VPS37C: variants seen among roughly 807,000 people sequenced by gnomAD.
VPS37C encodes the protein VPS37C subunit of ESCRT-I, also known as vacuolar protein sorting-associated protein 37C.
VPS37C carries 9 observed loss-of-function variants against 16.1 expected under a neutral mutation model. The observed-to-expected ratio is 0.56, with a 90% CI of 0.34 to 0.97. The LOEUF is 0.97. Among genes scored for constraint, VPS37C ranks in the 50% least tolerant of loss-of-function variants. VPS37C has a pLI of 0.02. For missense variants in VPS37C, 479 were observed against 472.7 expected, an observed-to-expected ratio of 1.01 and a Z score of -0.12; for synonymous variants, 207 against 206.4, an observed-to-expected ratio of 1.00 and a Z score of -0.02.
At chr11:61,143,141 G>A (rs1469246296) in intron 1 of VPS37C, among the ~76,000 whole-genome samples, 1 of 151,808 alleles carries the variant, frequency 6.6e-6, no homozygotes, top group Non-Finnish European at 1.5e-5. Context: ...CTAAGCATTT[G>A]CTGCTATGAG....
intron 1 of VPS37C, among the ~76,000 whole-genome samples, chr11:61,153,641 G>A (rs143055721): frequency 6.6e-6 from 1 of 152,288 alleles, no homozygotes; most frequent in Non-Finnish European, 1.5e-5. Context: ...AGACAGCACA[G>A]ACCCCTGACA....
chr11:61,159,901 CAA>C (rs35953020), intron 1 of VPS37C, among the ~76,000 whole-genome samples: 861 of 49,418 alleles, frequency 0.017, 1 homozygote, highest in Middle Eastern at 0.023. Flanking sequence ...GACTCCGTCT[CAA>C]AAAAAAAAAA....
chr11:61,138,865 A>C (rs752246626), intron 1 of VPS37C, 30 bp from the exon 2 acceptor site: 55 of 1,608,010 alleles, frequency 3.4e-5, no homozygotes, highest in Non-Finnish European at 4.5e-5. Context: ...AAAGTAACGA[A>C]CAGGCAGCCC....
chr11:61,147,342 C>G (rs1328615206), intron 1 of VPS37C, among the ~76,000 whole-genome samples: 1 of 152,342 alleles, frequency 6.6e-6, no homozygotes, highest in Non-Finnish European at 1.5e-5. Context: ...GACCAGCCAA[C>G]TGGCACCTGT....
intron 2 of VPS37C, among the ~76,000 whole-genome samples, chr11:61,136,221 A>G (rs1324972210): frequency 1.4e-5 from 2 of 147,352 alleles, no homozygotes; most frequent in Non-Finnish European, 3.0e-5. Context: ...GCTGGAGTGC[A>G]ATGGCGCAAT....
Position 61,155,255 on chromosome 11 carries a change from C to A in VPS37C, c.-7+6136G>T, listed in dbSNP as rs575531145. 2.0e-5 allele frequency among the ~76,000 whole-genome samples: 3 copies of A among 152,080 alleles called. No individual in the cohort carries two copies. The South Asian group carries it at 6.2e-4, about 32-fold the overall frequency. On this transcript the variant is annotated intron_variant, in intron 1 of 4. Coordinates refer to ENST00000301765, the MANE Select transcript of VPS37C (RefSeq NM_017966.5). ...TCTCATCACTTTGGGAAGCTGATGC[C>A]GTAGGATCACTTGAGGCCAGGAAGT...
At chr11:61,160,784 T>A (rs1328899683) in intron 1 of VPS37C, among the ~76,000 whole-genome samples, 1 of 152,198 alleles carries the variant, frequency 6.6e-6, no homozygotes, top group African/African-American at 2.4e-5. Context: ...TGGGTATGTA[T>A]ACATCAGTGC....
Position 61,130,878 on chromosome 11 carries a change from A to G in VPS37C, c.*942T>C. 1 of 403,294 alleles carries G rather than the reference A, an allele frequency of 2.5e-6. No individual in the cohort carries two copies. The highest frequency in any genetic ancestry group is 1.8e-5 in the South Asian group (1 of 56,666). 25.0% of individuals were successfully genotyped at this position (403,294 alleles called of 1,614,324 possible). A position where few individuals can be genotyped will look rare whatever the true frequency, so the allele number is the denominator to read the frequency against. On this transcript the variant is annotated 3_prime_UTR_variant, in exon 5 of 5. Transcript: ENST00000301765. ...GGGGGTGGGAGGATTACATCAACAG[A>G]GTGAGAAGGGGAGGGGAAGGGAGGG...
chr11:61,137,919 G>T (rs970291444), intron 2 of VPS37C, among the ~76,000 whole-genome samples: 1 of 152,174 alleles, frequency 6.6e-6, no homozygotes, highest in Non-Finnish European at 1.5e-5. Context: ...ATGGAAGCAC[G>T]GAGACACTGG....
chr11:61,144,182 A>G (rs6591641), intron 1 of VPS37C: 111,993 of 150,538 alleles, frequency 0.74, 42,991 homozygotes, highest in East Asian at 1. Flanking sequence ...TGCTAGCCAG[A>G]ATGGTCTCGA....
At chr11:61,150,148 G>A (rs1419690505) in intron 1 of VPS37C, among the ~76,000 whole-genome samples, 2 of 152,074 alleles carry the variant, frequency 1.3e-5, no homozygotes, top group Non-Finnish European at 2.9e-5. Flanking sequence ...CCCAGCTTCC[G>A]TTTCTATCAG....
At chr11:61,160,061 C>T (rs1853445698) in intron 1 of VPS37C, among the ~76,000 whole-genome samples, 1 of 152,094 alleles carries the variant, frequency 6.6e-6, no homozygotes, top group Non-Finnish European at 1.5e-5. Flanking sequence ...TCAGAAAGCC[C>T]TAGAACAGTG....
chr11:61,132,641 G>C, intron 4 of VPS37C, 102 bp from the exon 5 acceptor site: 6 of 1,459,796 alleles, frequency 4.1e-6, no homozygotes, highest in Non-Finnish European at 5.5e-6. Context: ...ACCTCACGCC[G>C]CCTCAGGCAC....
At chr11:61,159,774 G>A (rs1270186561) in intron 1 of VPS37C, among the ~76,000 whole-genome samples, 2 of 150,332 alleles carry the variant, frequency 1.3e-5, no homozygotes, top group Non-Finnish European at 3.0e-5. Flanking sequence ...GTGGTGGTGG[G>A]CACCTATAAT....
chr11:61,140,356 CCCAGTGCACT>C (rs1321034923), intron 1 of VPS37C, among the ~76,000 whole-genome samples: 9 of 152,138 alleles, frequency 5.9e-5, no homozygotes, highest in African/African-American at 2.2e-4. Context: ...ACCAGGAAGT[CCCAGTGCACT>C]CCTCAGGGGA....
Position 61,130,565 on chromosome 11 carries a change from T to C in VPS37C, c.*1255A>G. ...AAGGCACGTACAACTTCCTAAGCAATAGCAGCTCCAGGCTCTTCCCTGAGA... is the reference window on the plus strand; with the variant it reads ...AAGGCACGTACAACTTCCTAAGCAACAGCAGCTCCAGGCTCTTCCCTGAGA... On this transcript the variant is annotated 3_prime_UTR_variant, in exon 5 of 5. Transcript: ENST00000301765. The C allele has an allele frequency of 3.9e-6, 1 of 253,764 alleles. No individual in the cohort carries two copies. Among genetic ancestry groups the C allele is most frequent in the South Asian group, 3.7e-5 (1 of 26,798 alleles). 15.7% of individuals were successfully genotyped at this position (253,764 alleles called of 1,614,324 possible). A position where few individuals can be genotyped will look rare whatever the true frequency, so the allele number is the denominator to read the frequency against.
intron 1 of VPS37C, among the ~76,000 whole-genome samples, chr11:61,150,394 G>C (rs1004112891): frequency 2.0e-5 from 3 of 152,066 alleles, no homozygotes; most frequent in African/African-American, 7.2e-5. Context: ...CCCTAAGGCT[G>C]GCTGTCTTGC....
intron 1 of VPS37C, chr11:61,143,325 C>T (rs2134640851): frequency 6.8e-6 from 1 of 147,964 alleles, no homozygotes; most frequent in South Asian, 2.2e-4. Context: ...TAAAATCCTC[C>T]TCCAGACCTA....
chr11:61,141,258 C>T (rs1033544459), intron 1 of VPS37C, among the ~76,000 whole-genome samples: 2 of 151,838 alleles, frequency 1.3e-5, no homozygotes, highest in African/African-American at 2.4e-5. Flanking sequence ...ATCCCAGTTA[C>T]TCCGGAGGCC....
Sources: gnomAD v4.1 joint callset for allele counts (sites outside exome capture counted in the v4.1 genomes callset) on GRCh38, gnomAD v4.1.1 for gene constraint, MANE v1.5 for transcripts, NCBI Gene and HGNC (gene_info 2026-07-23, HGNC 2026-07-21) for gene names.